The following ADAM22 variants were observed in gnomAD, a reference collection of about 807,000 sequenced individuals.
ADAM22 encodes the protein ADAM metallopeptidase domain 22, also known as disintegrin and metalloproteinase domain-containing protein 22.
In ADAM22, 65 loss-of-function variants were observed where a neutral mutation model predicts 144.6. That is an observed-to-expected ratio of 0.45 (90% CI 0.37 to 0.55). The LOEUF (loss-of-function observed/expected upper bound fraction) is 0.55. Ranked by LOEUF, ADAM22 falls within the 20% of genes least tolerant of loss-of-function variation. The pLI is 0.00. For synonymous variants in ADAM22, 391 were observed against 412.6 expected (o/e 0.95, Z 0.63); for missense variants, 974 against 1,184.9 (o/e 0.82, Z 2.61).
rs114402985 is a variant in ADAM22 at position 88,125,391 on chromosome 7, A to C, written c.608-198A>C. Among the ~76,000 whole-genome samples, 592 of 152,144 alleles carry C rather than the reference A, an allele frequency of 3.9e-3. 5 individuals are homozygous for C. Among genetic ancestry groups the C allele is most frequent in the African/African-American group, 0.013 (559 of 41,578 alleles). On this transcript the variant is annotated intron_variant, in intron 7 of 31. Transcript: ENST00000413139. ...TAAATTAGAACAGAAATAATGTTCT[A>C]GATTTTGCAAATTATATTCATCCTT...
chr7:88,043,100 A>C (rs572929473), intron 3 of ADAM22, among the ~76,000 whole-genome samples: 1 of 152,056 alleles, frequency 6.6e-6, no homozygotes, highest in African/African-American at 2.4e-5. Flanking sequence ...AGCTTCAAAC[A>C]ATATTGCTGT....
intron 2 of ADAM22, among the ~76,000 whole-genome samples, chr7:87,965,827 C>T (rs1351847990): frequency 1.3e-5 from 2 of 152,124 alleles, no homozygotes; most frequent in African/African-American, 2.4e-5. Flanking sequence ...AGATTGTGAC[C>T]CAGCTGGCAG....
At chr7:88,126,277 T>G (rs1452021791) in intron 8 of ADAM22, among the ~76,000 whole-genome samples, 1 of 151,998 alleles carries the variant, frequency 6.6e-6, no homozygotes, top group Non-Finnish European at 1.5e-5. Context: ...ATCATAGAGC[T>G]GGTAAACAGT....
chr7:88,033,365 G>A (rs903508623), intron 3 of ADAM22, among the ~76,000 whole-genome samples: 1 of 152,232 alleles, frequency 6.6e-6, no homozygotes, highest in African/African-American at 2.4e-5. Context: ...AGAGACTCTT[G>A]TTCTTTTCCC....
At chr7:88,071,188 G>A (rs1014094894) in intron 3 of ADAM22, among the ~76,000 whole-genome samples, 1 of 152,088 alleles carries the variant, frequency 6.6e-6, no homozygotes, top group African/African-American at 2.4e-5. Context: ...AAGATAAACT[G>A]GATTAAGTAG....
intron 2 of ADAM22, among the ~76,000 whole-genome samples, chr7:87,966,997 C>G (rs894588847): frequency 6.6e-6 from 1 of 151,926 alleles, no homozygotes; most frequent in East Asian, 1.9e-4. Context: ...ATGCTATTCT[C>G]ATGATAGTGA....
intron 4 of ADAM22, among the ~76,000 whole-genome samples, chr7:88,089,315 C>T (rs1161686513): frequency 1.3e-5 from 2 of 151,858 alleles, no homozygotes; most frequent in East Asian, 1.9e-4. Flanking sequence ...TTGCTGCATG[C>T]GTTATTAGTA....
At chr7:88,105,282 TCA>T (rs1370045579) in intron 4 of ADAM22, among the ~76,000 whole-genome samples, 1 of 152,180 alleles carries the variant, frequency 6.6e-6, no homozygotes, top group African/African-American at 2.4e-5. Context: ...ACTATGAGGC[TCA>T]GACTTCTAAG....
At chr7:88,052,650 A>G (rs1806828006) in intron 3 of ADAM22, among the ~76,000 whole-genome samples, 3 of 152,220 alleles carry the variant, frequency 2.0e-5, no homozygotes, top group Admixed American at 2.0e-4. Flanking sequence ...TTCCAAACAG[A>G]TTGAAGCTGC....
chr7:88,024,776 C>T (rs995169510), intron 3 of ADAM22, among the ~76,000 whole-genome samples: 2 of 147,634 alleles, frequency 1.4e-5, no homozygotes, highest in East Asian at 4.2e-4. Flanking sequence ...TGTTCAATTC[C>T]CACCTATGAG....
At chr7:88,088,774 T>G (rs1819080820) in intron 4 of ADAM22, among the ~76,000 whole-genome samples, 1 of 152,200 alleles carries the variant, frequency 6.6e-6, no homozygotes, top group Non-Finnish European at 1.5e-5. Flanking sequence ...AAATAATGTT[T>G]CTTAAGATAT....
chr7:88,100,741 C>T (rs931374320), intron 4 of ADAM22, among the ~76,000 whole-genome samples: 1 of 152,128 alleles, frequency 6.6e-6, no homozygotes, highest in Non-Finnish European at 1.5e-5. Flanking sequence ...GTCTTGAACT[C>T]CTGGCCTCAA....
intron 25 of ADAM22, among the ~76,000 whole-genome samples, chr7:88,168,725 A>G (rs535160723): frequency 8.1e-4 from 123 of 152,300 alleles, no homozygotes; most frequent in African/African-American, 2.7e-3. Flanking sequence ...TTTAAGTTTA[A>G]TAAGTTAAAA....
chr7:88,145,383 T>TC lies in ADAM22; in HGVS notation c.1393-31dup, dbSNP rs200829405. 2,297 of 1,574,350 alleles carry TC rather than the reference T, an allele frequency of 1.5e-3. 31 individuals are homozygous for TC. In the African/African-American group the frequency reaches 0.027, roughly 19 times the overall value. ...TACTTTCAGGAAAGTGACACCGTTT[T>TC]CTGATGTTTTGAAAATGTTTATATT... On this transcript the variant is annotated intron_variant, in intron 16 of 31. Coordinates refer to ENST00000413139, the MANE Select transcript of ADAM22 (RefSeq NM_001324418.2).
chr7:87,941,238 A>G (rs1488953854), intron 2 of ADAM22, among the ~76,000 whole-genome samples: 1 of 152,220 alleles, frequency 6.6e-6, no homozygotes. Flanking sequence ...ACATAGATCT[A>G]CAGTTTGTCA....
intron 4 of ADAM22, among the ~76,000 whole-genome samples, chr7:88,080,310 T>C (rs560606140): frequency 1.3e-3 from 192 of 152,080 alleles, no homozygotes; most frequent in African/African-American, 4.4e-3. Flanking sequence ...AGAACAAAGA[T>C]ACAACATACC....
intron 22 of ADAM22, among the ~76,000 whole-genome samples, chr7:88,161,160 AT>A (rs1841514945): frequency 6.6e-6 from 1 of 150,696 alleles, no homozygotes; most frequent in African/African-American, 2.5e-5. Context: ...AAATCACTTC[AT>A]TTCTAATTCT....
At chr7:88,120,459 C>G (rs1301577871) in intron 7 of ADAM22, among the ~76,000 whole-genome samples, 1 of 152,140 alleles carries the variant, frequency 6.6e-6, no homozygotes. Flanking sequence ...TGTGTCAGCA[C>G]TCTATGAGAG....
chr7:88,157,606 A>G (rs1017035486), intron 22 of ADAM22, among the ~76,000 whole-genome samples: 3 of 148,434 alleles, frequency 2.0e-5, no homozygotes, highest in African/African-American at 7.7e-5. Flanking sequence ...GAAACAACAT[A>G]CCACAAAGAG....
Sources: allele counts gnomAD v4.1 joint callset (sites outside exome capture counted in the v4.1 genomes callset), GRCh38; gene constraint gnomAD v4.1.1; transcripts MANE v1.5; gene names NCBI Gene and HGNC (gene_info 2026-07-23, HGNC 2026-07-21).